The following VPS35 variants were observed in gnomAD, a reference collection of about 807,000 sequenced individuals.
VPS35 encodes vacuolar protein sorting-associated protein 35.
Under a neutral mutation model 98.1 loss-of-function variants are expected in VPS35, and 21 were observed. The observed-to-expected ratio is 0.21, with a 90% confidence interval of 0.15 to 0.31. The LOEUF (loss-of-function observed/expected upper bound fraction) is 0.31. Ranked by LOEUF, VPS35 falls within the 10% of genes least tolerant of loss-of-function variation. The pLI is 1.00. For missense variants in VPS35, 554 were observed against 950.8 expected, an observed-to-expected ratio of 0.58 and a Z score of 5.49; for synonymous variants, 268 against 318.2, an observed-to-expected ratio of 0.84 and a Z score of 1.68.
intron 1 of VPS35, among the ~76,000 whole-genome samples, chr16:46,684,934 A>G (rs2143009285): frequency 6.6e-6 from 1 of 152,360 alleles, no homozygotes; most frequent in African/African-American, 2.4e-5. Flanking sequence ...AGCTAGACAT[A>G]AAAAGCCACA....
chr16:46,689,167 C>A lies in VPS35; in HGVS notation c.-34G>T, dbSNP rs3743928. ...CCCAGAGCCTGCAGCAAGCAGCACC[C>A]GCCCCGCGCGTAGCCTCCCGCGGTC... On this transcript the variant is annotated 5_prime_UTR_variant, in exon 1 of 17. Transcript: ENST00000299138. 4.5e-5 allele frequency: 72 copies of A among 1,603,428 alleles called. No individual in the cohort carries two copies. The South Asian group carries it at 6.9e-4, about 15-fold the overall frequency.
At chr16:46,677,035 T>A (rs1216969486) in intron 7 of VPS35, among the ~76,000 whole-genome samples, 1 of 150,868 alleles carries the variant, frequency 6.6e-6, no homozygotes, top group Non-Finnish European at 1.5e-5. Context: ...CAAGATTACA[T>A]GAAAAAAAAA....
chr16:46,667,389 T>C (rs1285542882), intron 13 of VPS35, among the ~76,000 whole-genome samples: 1 of 152,230 alleles, frequency 6.6e-6, no homozygotes, highest in African/African-American at 2.4e-5. Context: ...TTTGCAAATA[T>C]TCTCCCCCAT....
chr16:46,669,282 A>G (rs1457821667), intron 12 of VPS35: 4 of 565,502 alleles, frequency 7.1e-6, no homozygotes, highest in Non-Finnish European at 1.3e-5. Flanking sequence ...GAGAGGTTGT[A>G]TAACCTGCCC....
At chr16:46,662,538 AT>A in intron 14 of VPS35, 56 bp from the exon 15 acceptor site, 1 of 1,605,134 alleles carries the variant, frequency 6.2e-7, no homozygotes. Flanking sequence ...CTAGTTGAGC[AT>A]TTTCCAAAGT....
chr16:46,668,868 C>T (rs1966026984), intron 13 of VPS35, 62 bp downstream of exon 13: 3 of 1,598,752 alleles, frequency 1.9e-6, no homozygotes, highest in African/African-American at 2.7e-5. Flanking sequence ...AAAACAAACA[C>T]ACACACACTC....
At chr16:46,685,554 ATC>A (rs1357292720) in intron 1 of VPS35, among the ~76,000 whole-genome samples, 1 of 152,208 alleles carries the variant, frequency 6.6e-6, no homozygotes, top group Admixed American at 6.5e-5. Flanking sequence ...GAAGTTAGGT[ATC>A]TTTTAAACTT....
At position 46,689,148 on chromosome 16, in the gene VPS35, G is replaced by T. The variant is rs774616523; in HGVS notation, c.-15C>A. On this transcript the variant is annotated 5_prime_UTR_variant, in exon 1 of 17. Coordinates refer to ENST00000299138, the MANE Select transcript of VPS35 (RefSeq NM_018206.6). ...GCACTCACCATGGCGACTCCCCAGA[G>T]CCTGCAGCAAGCAGCACCCGCCCCG... 6.2e-7 allele frequency: 1 copy of T among 1,608,626 alleles called. No homozygotes were observed. The highest frequency in any genetic ancestry group is 8.5e-7 in the Non-Finnish European group (1 of 1,178,386).
At position 46,661,597 on chromosome 16, in the gene VPS35, A is replaced by G; in HGVS notation, c.2211+121T>C. Reference sequence around the variant, plus strand: ...TTATTTGACATCTGTAAATTATTTTACATTTTTCAAATGAACAGTGATTAA... The same window carrying G: ...TTATTTGACATCTGTAAATTATTTTGCATTTTTCAAATGAACAGTGATTAA... On this transcript the variant is annotated intron_variant, in intron 16 of 16. Coordinates refer to ENST00000299138, the MANE Select transcript of VPS35 (RefSeq NM_018206.6). The surrounding 1 kb of genome is among the most constrained non-coding windows in gnomAD (Gnocchi z 4.3). 1.1e-6 allele frequency: 1 copy of G among 945,034 alleles called. No individual in the cohort carries two copies. Among genetic ancestry groups the G allele is most frequent in the Non-Finnish European group, 1.6e-6 (1 of 617,528 alleles). The allele number at this position is 945,034 out of a possible 1,614,324, so 58.5% of individuals were successfully genotyped here.
intron 2 of VPS35, 71 bp from the exon 3 acceptor site, chr16:46,682,246 C>A (rs1317072044): frequency 4.8e-5 from 57 of 1,184,508 alleles, no homozygotes; most frequent in Non-Finnish European, 5.8e-5. Context: ...TGTACAAATT[C>A]TTTACATCAA....
chr16:46,672,571 T>C, intron 10 of VPS35, 99 bp from the exon 11 acceptor site: 2 of 1,003,290 alleles, frequency 2.0e-6, no homozygotes, highest in East Asian at 2.5e-5. Context: ...TCATTACACA[T>C]TAAAGGAAAT....
chr16:46,671,930 G>T, intron 11 of VPS35, 70 bp from the exon 12 acceptor site: 3 of 1,590,292 alleles, frequency 1.9e-6, no homozygotes, highest in Non-Finnish European at 2.6e-6. Flanking sequence ...TATCAAAAGT[G>T]TTTCCAGTTA....
At chr16:46,667,577 A>G (rs1342164038) in intron 13 of VPS35, among the ~76,000 whole-genome samples, 3 of 152,276 alleles carry the variant, frequency 2.0e-5, no homozygotes, top group South Asian at 2.1e-4. Flanking sequence ...TTAGTTGCAT[A>G]GGTTTTTGGT....
chr16:46,669,249 CA>C, intron 12 of VPS35, 197 bp from the exon 13 acceptor site: 1 of 669,296 alleles, frequency 1.5e-6, no homozygotes, highest in East Asian at 3.0e-5. Flanking sequence ...TTCCATTTCA[CA>C]AATGGGGAAG....
At position 46,660,188 on chromosome 16, in the gene VPS35, TG is replaced by T. The variant is rs886052005; in HGVS notation, c.*283del. ...AGCCAAGATAAGTGCTTGTGGGTTT[TG>T]TGTTTTTTTTTTTTTTTTTTTTTAC... On this transcript the variant is annotated 3_prime_UTR_variant, in exon 17 of 17. Coordinates refer to ENST00000299138, the MANE Select transcript of VPS35 (RefSeq NM_018206.6). 8,246 of 134,720 alleles carry T rather than the reference TG, an allele frequency of 0.061. 529 individuals carry two copies. The highest frequency in any genetic ancestry group is 0.34 in the South Asian group (1,371 of 4,062). 8.3% of individuals were successfully genotyped at this position (134,720 alleles called of 1,614,324 possible). A position where few individuals can be genotyped will look rare whatever the true frequency, so the allele number is the denominator to read the frequency against.
At chr16:46,686,990 C>CA (rs1165427071) in intron 1 of VPS35, among the ~76,000 whole-genome samples, 1 of 152,170 alleles carries the variant, frequency 6.6e-6, no homozygotes, top group Non-Finnish European at 1.5e-5. Context: ...TTCTATGAAA[C>CA]AGAGATGAGA....
intron 1 of VPS35, among the ~76,000 whole-genome samples, chr16:46,685,561 A>G (rs1469114423): frequency 6.6e-6 from 1 of 152,208 alleles, no homozygotes; most frequent in Admixed American, 6.5e-5. Flanking sequence ...GGTATCTTTT[A>G]AACTTCACTT....
Position 46,681,465 on chromosome 16 carries a change from C to T in VPS35, c.235G>A (p.Val79Ile). 1 of 1,613,340 alleles carries T rather than the reference C, an allele frequency of 6.2e-7. No individual in the cohort carries two copies. Among genetic ancestry groups the T allele is most frequent in the Non-Finnish European group, 8.5e-7 (1 of 1,179,644 alleles). Residue 79 changes from valine (V) to isoleucine (I), a missense_variant, in exon 4 of 17, where the codon GTC (valine) becomes ATC (isoleucine). By Grantham distance (29) the Val-to-Ile change is conservative. Coordinates refer to ENST00000299138, the MANE Select transcript of VPS35 (RefSeq NM_018206.6). ...AISDELHYLE[V>I]YLTDEFAKGR... The stretch of plus-strand genomic sequence containing the variant: ...TTAGCAAACTCATCTGTCAGGTAGA[C>T]CTCCAAGTAGTGCAGTTCATCAGAA...
At chr16:46,684,999 G>A (rs2143009291) in intron 1 of VPS35, among the ~76,000 whole-genome samples, 1 of 152,284 alleles carries the variant, frequency 6.6e-6, no homozygotes, top group South Asian at 2.1e-4. Flanking sequence ...AAAGTAGACT[G>A]ATGATTACCA....
Sources: gnomAD v4.1 joint callset for allele counts (sites outside exome capture counted in the v4.1 genomes callset) on GRCh38, gnomAD v4.1.1 for gene constraint, Gnocchi (gnomAD v3.1) non-coding constraint, MANE v1.5 for transcripts, NCBI Gene and HGNC (gene_info 2026-07-23, HGNC 2026-07-21) for gene names.